URB2: variants seen among roughly 807,000 people sequenced by gnomAD.
URB2 encodes URB2 ribosome biogenesis homolog.
Under a neutral mutation model 120.9 loss-of-function variants are expected in URB2, and 86 were observed. The ratio of observed to expected loss-of-function variants is 0.71; its 90% CI spans 0.60 to 0.85. URB2 has a LOEUF of 0.85. URB2 is among the 40% of genes least tolerant of loss of function. The pLI is 0.00. For synonymous variants in URB2, 755 were observed against 758.4 expected, an observed-to-expected ratio of 1.00 and a Z score of 0.07; for missense variants, 1,765 against 1,836.5, an observed-to-expected ratio of 0.96 and a Z score of 0.71.
chr1:229,647,397 C>A, intron 6 of URB2, 113 bp from the exon 7 acceptor site: 1 of 1,342,874 alleles, frequency 7.4e-7, no homozygotes, highest in Non-Finnish European at 1.0e-6. Context: ...CGGACCACAT[C>A]AATTCATTTT....
At chr1:229,656,586 T>C (rs910946465) in intron 9 of URB2, among the ~76,000 whole-genome samples, 2 of 152,234 alleles carry the variant, frequency 1.3e-5, no homozygotes, top group Admixed American at 1.3e-4. Context: ...TAAATCTTTC[T>C]AGACCAGCGT....
At chr1:229,627,884 G>A in intron 2 of URB2, 125 bp downstream of exon 2, 1 of 1,172,180 alleles carries the variant, frequency 8.5e-7, no homozygotes, top group African/African-American at 1.6e-5. Flanking sequence ...AACTTTGTTG[G>A]AAGTTAAATG....
rs750601302 is a variant in URB2 at position 229,635,224 on chromosome 1, C to T, written c.611C>T (p.Pro204Leu). 5.0e-6 allele frequency: 8 copies of T among 1,614,214 alleles called. No individual in the cohort carries two copies. The highest frequency in any genetic ancestry group is 1.1e-5 in the South Asian group (1 of 91,088). Reference sequence around the variant, plus strand: ...GATGTGACTGCTCACCTGCTCCAGCCGTGCCTGGTCCTGAGGCACTTACTC... The same window carrying T: ...GATGTGACTGCTCACCTGCTCCAGCTGTGCCTGGTCCTGAGGCACTTACTC... ...FGDVTAHLLQ[P>L]CLVLRHLLSG... is the part of the protein sequence containing the mutation. The change falls in exon 4 of 10, where the codon CCG becomes CTG. Residue 204 changes from proline (P) to leucine (L), a missense_variant. Physicochemically the swap from Pro to Leu is moderately conservative, Grantham distance 98. Transcript: ENST00000258243.
rs1174463507 is a variant in URB2 at position 229,637,175 on chromosome 1, C to T, written c.2562C>T (p.Asn854=). Residue 854 remains asparagine, a synonymous_variant, in exon 4 of 10, where the codon AAC becomes AAT. Coordinates refer to ENST00000258243, the MANE Select transcript of URB2 (RefSeq NM_014777.4). ...KDHMVVGHWE[N]RFAKAGPEGI... Reference sequence around the variant, plus strand: ...ACATGGTTGTGGGTCATTGGGAAAACAGATTTGCAAAAGCTGGACCCGAAG... The same window carrying T: ...ACATGGTTGTGGGTCATTGGGAAAATAGATTTGCAAAAGCTGGACCCGAAG... The T allele has an allele frequency of 3.1e-6, 5 of 1,613,666 alleles. No homozygotes were observed. In the South Asian group the frequency reaches 4.4e-5, roughly 14 times the overall value.
chr1:229,643,570 G>A lies in URB2; in HGVS notation c.3672G>A (p.Glu1224=). The change falls in exon 5 of 10, where the codon GAG becomes GAA. Residue 1224 remains glutamate (E), a synonymous_variant. Transcript: ENST00000258243. The part of the protein sequence containing the change: ...EIPVQVTQDI[E]PHLGALFTQM... ...CTGTTCAGGTCACTCAGGATATTGA[G>A]CCTCATTTGGGAGCCTTGTTCACCC... The A allele has an allele frequency of 6.2e-7, 1 of 1,614,224 alleles. No homozygotes were observed.
intron 4 of URB2, among the ~76,000 whole-genome samples, chr1:229,642,755 A>G (rs1382401772): frequency 6.6e-6 from 1 of 152,186 alleles, no homozygotes; most frequent in African/African-American, 2.4e-5. Context: ...AAGAAACACA[A>G]AGAAAATAGA....
Position 229,627,767 on chromosome 1 carries a change from TA to T in URB2, c.126+10del. 6.2e-7 allele frequency: 1 copy of T among 1,603,870 alleles called. No individual in the cohort carries two copies. The highest frequency in any genetic ancestry group is 8.5e-7 in the Non-Finnish European group (1 of 1,175,296). ...CTTCCAAATAAAGAACAAGTAAGTT[TA>T]ATGTGAAACTCATATTTTTACAGTC... On this transcript the variant is annotated intron_variant, in intron 2 of 9. Transcript: ENST00000258243.
Position 229,645,931 on chromosome 1 carries a change from T to G in URB2, c.3868T>G (p.Leu1290Val), listed in dbSNP as rs1666137923. The change falls in exon 6 of 10, where the codon TTG (leucine) becomes GTG (valine). Residue 1290 changes from leucine to valine, a missense_variant. Transcript: ENST00000258243. ...ACTCAGTGGAGAGAAAGCAAGTCTG[T>G]TGTGGCGTGCGTGTCCCCAGATAGT... ...CPLSGEKASLLWRACPQIVTA... is the reference protein window; with the variant it reads ...CPLSGEKASLVWRACPQIVTA... The G allele has an allele frequency of 6.2e-7, 1 of 1,614,022 alleles. No homozygotes were observed. The highest frequency in any genetic ancestry group is 1.3e-5 in the African/African-American group (1 of 74,904).
chr1:229,647,662 C>T lies in URB2; in HGVS notation c.4059C>T (p.Val1353=). ...TGGCCTTCAGCATCCTTCTCACTGT[C>T]CCTTTGGACCATCTGAAGCCGCTGG... The part of the protein sequence containing the change: ...VSLAFSILLT[V]PLDHLKPLEY... Residue 1353 remains valine (V), a synonymous_variant, in exon 7 of 10, where the codon GTC becomes GTT. Transcript: ENST00000258243. The T allele has an allele frequency of 6.2e-7, 1 of 1,614,156 alleles. No homozygotes were observed. The highest frequency in any genetic ancestry group is 8.5e-7 in the Non-Finnish European group (1 of 1,180,028).
chr1:229,637,414 C>T lies in URB2; in HGVS notation c.2801C>T (p.Ser934Phe). Residue 934 changes from serine to phenylalanine, a missense_variant, in exon 4 of 10, where the codon TCC (serine) becomes TTC (phenylalanine). Physicochemically the swap from Ser to Phe is radical, Grantham distance 155. Transcript: ENST00000258243. ...GTCACCAAACTAGGATGCTCTTGCT[C>T]CTCCTCACTGGCTCTCAAGTTCTTG... ...MAVTKLGCSC[S>F]SSLALKFLTT... 1.2e-6 allele frequency: 2 copies of T among 1,614,174 alleles called. No homozygotes were observed. Among genetic ancestry groups the T allele is most frequent in the Non-Finnish European group, 1.7e-6 (2 of 1,180,026 alleles).
At chr1:229,654,201 T>C (rs1666348145) in intron 8 of URB2, 48 bp from the exon 9 acceptor site, 1 of 1,602,438 alleles carries the variant, frequency 6.2e-7, no homozygotes, top group African/African-American at 1.3e-5. Context: ...AGAGTTAAAA[T>C]GTGCTGTTTT....
chr1:229,638,614 C>G (rs1355531036), intron 4 of URB2, among the ~76,000 whole-genome samples: 4 of 151,102 alleles, frequency 2.6e-5, no homozygotes, highest in Non-Finnish European at 4.4e-5. Flanking sequence ...CCACTGCACT[C>G]TAGCTTGGGC....
chr1:229,635,719 A>G lies in URB2; in HGVS notation c.1106A>G (p.Asn369Ser), dbSNP rs1162753578. Residue 369 changes from asparagine (N) to serine (S), a missense_variant, in exon 4 of 10, where the codon AAC becomes AGC. Physicochemically the swap from Asn to Ser is conservative, Grantham distance 46. Coordinates refer to ENST00000258243, the MANE Select transcript of URB2 (RefSeq NM_014777.4). ...VVEQLLNSVA[N>S]NNIYNIAADR... Reference sequence around the variant, plus strand: ...GAACAGCTACTAAACTCAGTGGCCAACAACAATATCTACAACATCGCTGCC... The same window carrying G: ...GAACAGCTACTAAACTCAGTGGCCAGCAACAATATCTACAACATCGCTGCC... 3 of 1,614,076 alleles carry G rather than the reference A, an allele frequency of 1.9e-6. No individual in the cohort carries two copies. Among genetic ancestry groups the G allele is most frequent in the Middle Eastern group, 1.6e-4 (1 of 6,084 alleles).
In URB2 at chr1:229,637,687, A is replaced by G. The variant is rs1665883032; in HGVS notation, c.3074A>G (p.Lys1025Arg). The G allele has an allele frequency of 6.2e-7, 1 of 1,614,132 alleles. No individual in the cohort carries two copies. Among genetic ancestry groups the G allele is most frequent in the Non-Finnish European group, 8.5e-7 (1 of 1,180,048 alleles). Residue 1025 changes from lysine (K) to arginine (R), a missense_variant, in exon 4 of 10, where the codon AAA becomes AGA. Transcript: ENST00000258243. ...CTGAGCTTGGTGCTCAATTTTAGAA[A>G]AATCACCGCATTCCTCTCTAGTTCC... ...MKLSLVLNFR[K>R]ITAFLSSSKP...
intron 6 of URB2, among the ~76,000 whole-genome samples, 199 bp downstream of exon 6, chr1:229,646,168 G>A (rs1168334983): frequency 4.6e-5 from 7 of 152,134 alleles, no homozygotes; most frequent in Admixed American, 4.6e-4. Flanking sequence ...TTGGAGCAGT[G>A]GAAGGGAAGT....
chr1:229,633,993 G>A (rs768276926), intron 3 of URB2, among the ~76,000 whole-genome samples: 1 of 151,696 alleles, frequency 6.6e-6, no homozygotes, highest in Non-Finnish European at 1.5e-5. Context: ...CACCATGCTC[G>A]GCTAATTTTT....
intron 4 of URB2, among the ~76,000 whole-genome samples, chr1:229,640,739 T>C (rs928871487): frequency 2.6e-5 from 4 of 152,198 alleles, no homozygotes; most frequent in African/African-American, 9.6e-5. Context: ...TCCCTTTCAG[T>C]AACCTGTCTC....
chr1:229,631,643 T>C (rs964637019), intron 2 of URB2, among the ~76,000 whole-genome samples: 5 of 152,128 alleles, frequency 3.3e-5, no homozygotes, highest in Non-Finnish European at 7.3e-5. Flanking sequence ...GAGGGGAAAA[T>C]AGCCCGTCAG....
intron 5 of URB2, among the ~76,000 whole-genome samples, chr1:229,643,976 A>G (rs1666076818): frequency 1.3e-5 from 2 of 152,254 alleles, no homozygotes; most frequent in East Asian, 3.8e-4. Context: ...ACTGATCCAT[A>G]AAAAAGTTAA....
Sources: allele counts gnomAD v4.1 joint callset (sites outside exome capture counted in the v4.1 genomes callset), GRCh38; gene constraint gnomAD v4.1.1; transcripts MANE v1.5; gene names NCBI Gene and HGNC (gene_info 2026-07-23, HGNC 2026-07-21).